Variants in PTPRK observed in about 807,000 individuals in gnomAD.
PTPRK encodes the protein protein tyrosine phosphatase receptor type K, also known as receptor-type tyrosine-protein phosphatase kappa.
In PTPRK, 75 loss-of-function variants were observed where a neutral mutation model predicts 178.0. That is an observed-to-expected ratio of 0.42 (90% CI 0.35 to 0.51). The LOEUF is 0.51. Ranked by LOEUF, PTPRK falls within the 20% of genes least tolerant of loss-of-function variation. The pLI, the probability that PTPRK is intolerant of heterozygous loss-of-function variation, is 0.02. For missense variants in PTPRK, 1,441 were observed against 1,797.8 expected, an observed-to-expected ratio of 0.80 and a Z score of 3.59; for synonymous variants, 637 against 620.6, an observed-to-expected ratio of 1.03 and a Z score of -0.39.
chr6:128,450,773 T>C (rs1420620385), intron 1 of PTPRK, among the ~76,000 whole-genome samples: 3 of 152,248 alleles, frequency 2.0e-5, no homozygotes, highest in African/African-American at 7.2e-5. Flanking sequence ...ACATGTAAAA[T>C]TAATTGTTAA....
chr6:128,226,558 C>G (rs553423262), intron 5 of PTPRK, among the ~76,000 whole-genome samples: 1 of 151,842 alleles, frequency 6.6e-6, no homozygotes, highest in African/African-American at 2.4e-5. Context: ...GGTGAGGCTT[C>G]TCCGAAGTAG....
chr6:128,296,845 T>C (rs1824507153), intron 3 of PTPRK, among the ~76,000 whole-genome samples: 2 of 152,164 alleles, frequency 1.3e-5, no homozygotes, highest in Admixed American at 1.3e-4. Flanking sequence ...GCTAATATCA[T>C]AATGACAGGA....
chr6:128,176,645 T>C (rs1462099385), intron 7 of PTPRK, among the ~76,000 whole-genome samples: 1 of 151,760 alleles, frequency 6.6e-6, no homozygotes, highest in Non-Finnish European at 1.5e-5. Context: ...CCTTTGAACA[T>C]GCTTTTTTTC....
intron 27 of PTPRK, among the ~76,000 whole-genome samples, chr6:127,974,311 T>C (rs1277514422): frequency 6.6e-6 from 1 of 152,230 alleles, no homozygotes; most frequent in Non-Finnish European, 1.5e-5. Context: ...ATTGTTGTCA[T>C]GGCTTAAAAA....
intron 13 of PTPRK, among the ~76,000 whole-genome samples, chr6:128,042,415 T>C (rs1358169255): frequency 6.6e-6 from 1 of 152,028 alleles, no homozygotes; most frequent in African/African-American, 2.4e-5. Flanking sequence ...GCTTTCTTTT[T>C]CTACAGACTC....
intron 7 of PTPRK, among the ~76,000 whole-genome samples, chr6:128,128,626 T>C (rs1793746544): frequency 6.6e-6 from 1 of 152,218 alleles, no homozygotes. Context: ...AAAACTCTGG[T>C]GAACCTCCTC....
At chr6:128,368,931 A>G (rs1400185128) in intron 2 of PTPRK, among the ~76,000 whole-genome samples, 1 of 149,506 alleles carries the variant, frequency 6.7e-6, no homozygotes, top group Non-Finnish European at 1.5e-5. Context: ...AAAACAAAAC[A>G]AAACAAAAAA....
At chr6:128,080,565 C>T (rs73584652) in intron 10 of PTPRK, among the ~76,000 whole-genome samples, 4,280 of 151,974 alleles carry the variant, frequency 0.028, 195 homozygotes, top group African/African-American at 0.097. Context: ...GCAGAAACAA[C>T]AAATATTAAT....
intron 2 of PTPRK, among the ~76,000 whole-genome samples, chr6:128,382,883 C>G (rs1425645384): frequency 1.3e-5 from 2 of 152,148 alleles, no homozygotes; most frequent in Non-Finnish European, 2.9e-5. Flanking sequence ...ACCACTGCTA[C>G]TGGTTCAGTA....
chr6:128,051,454 C>G (rs1562496366), intron 13 of PTPRK, among the ~76,000 whole-genome samples: 1 of 152,194 alleles, frequency 6.6e-6, no homozygotes, highest in Non-Finnish European at 1.5e-5. Flanking sequence ...TTTCTAAACT[C>G]AACCATAGAC....
chr6:128,442,293 CTCCTTTTGCAGCTCCCTCTTTCA>C (rs765942148), intron 1 of PTPRK, among the ~76,000 whole-genome samples: 5 of 152,160 alleles, frequency 3.3e-5, no homozygotes, highest in Non-Finnish European at 7.3e-5. Context: ...CATTGCCTAC[CTCCTTTTGCAGCTCCCTCTTTCA>C]TCATTTTATC....
intron 3 of PTPRK, among the ~76,000 whole-genome samples, chr6:128,287,453 C>T (rs1024456372): frequency 5.9e-5 from 9 of 152,164 alleles, no homozygotes; most frequent in Non-Finnish European, 1.0e-4. Context: ...TTCTCCCAAG[C>T]GTGATGATAA....
At chr6:128,102,946 G>A (rs1789035076) in intron 7 of PTPRK, among the ~76,000 whole-genome samples, 1 of 152,072 alleles carries the variant, frequency 6.6e-6, no homozygotes, top group Admixed American at 6.5e-5. Flanking sequence ...CCCAGCAAAG[G>A]CCCCACCCTC....
chr6:128,275,870 A>G (rs1296761949), intron 3 of PTPRK, among the ~76,000 whole-genome samples: 1 of 152,022 alleles, frequency 6.6e-6, no homozygotes, highest in African/African-American at 2.4e-5. Flanking sequence ...TTCTTTCAAA[A>G]TTTAATGTCT....
At chr6:128,438,508 C>T (rs1845899604) in intron 1 of PTPRK, among the ~76,000 whole-genome samples, 1 of 152,214 alleles carries the variant, frequency 6.6e-6, no homozygotes, top group Non-Finnish European at 1.5e-5. Context: ...AAGAGCCAGT[C>T]AGCATTCATC....
At chr6:128,386,670 G>T (rs140287783) in intron 2 of PTPRK, among the ~76,000 whole-genome samples, 5 of 152,268 alleles carry the variant, frequency 3.3e-5, no homozygotes, top group African/African-American at 1.2e-4. Context: ...TCTTCAAATA[G>T]ATGTTAATTT....
chr6:128,368,960 AAC>A (rs1329148508), intron 2 of PTPRK, among the ~76,000 whole-genome samples: 1 of 152,018 alleles, frequency 6.6e-6, no homozygotes, highest in African/African-American at 2.4e-5. Flanking sequence ...CAAAAAAAAA[AAC>A]ACACACACAG....
Position 128,184,572 on chromosome 6 carries a change from T to C in PTPRK, c.1022A>G (p.His341Arg). 1 of 1,614,018 alleles carries C rather than the reference T, an allele frequency of 6.2e-7. No individual in the cohort carries two copies. Among genetic ancestry groups the C allele is most frequent in the Non-Finnish European group, 8.5e-7 (1 of 1,179,932 alleles). ...RMTSGSWTET[H>R]AVNAPTYKLW... Reference sequence around the variant, plus strand: ...TTTGTAAGTTGGAGCATTGACTGCATGGGTTTCTGTCCAGGATCCTGATGT... The same window carrying C: ...TTTGTAAGTTGGAGCATTGACTGCACGGGTTTCTGTCCAGGATCCTGATGT... Residue 341 changes from histidine (H) to arginine (R), a missense_variant, in exon 7 of 30, where the codon CAT (histidine) becomes CGT (arginine). Around this residue, in one of 4 missense-constraint regions of PTPRK, gnomAD observed 945 missense variants for 1,080.6 expected, o/e 0.87. Transcript: ENST00000368226.
intron 1 of PTPRK, among the ~76,000 whole-genome samples, chr6:128,407,658 A>G (rs914473415): frequency 6.7e-6 from 1 of 149,018 alleles, no homozygotes; most frequent in Non-Finnish European, 1.5e-5. Context: ...AAAAAAAAGA[A>G]GAAGAAGAAG....
Sources: allele counts gnomAD v4.1 joint callset (sites outside exome capture counted in the v4.1 genomes callset), GRCh38; gene constraint gnomAD v4.1.1; regional missense constraint gnomAD v4.1.1; transcripts MANE v1.5; gene names NCBI Gene and HGNC (gene_info 2026-07-23, HGNC 2026-07-21).